The following PLD5 variants were observed in gnomAD, a reference collection of about 807,000 sequenced individuals.
The protein encoded by PLD5 is phospholipase D family member 5.
A neutral mutation model predicts 61.1 loss-of-function variants in PLD5; 36 were observed. The ratio of observed to expected loss-of-function variants is 0.59; its 90% CI spans 0.45 to 0.78. The LOEUF (loss-of-function observed/expected upper bound fraction) is 0.78. PLD5 is among the 30% of genes least tolerant of loss of function. The pLI, the probability that PLD5 is intolerant of heterozygous loss-of-function variation, is 0.00. For missense variants in PLD5, 515 were observed against 644.4 expected, an observed-to-expected ratio of 0.80 and a Z score of 2.17; for synonymous variants, 243 against 242.8, an observed-to-expected ratio of 1.00 and a Z score of -0.01.
intron 1 of PLD5, among the ~76,000 whole-genome samples, chr1:242,520,020 T>A (rs1420516520): frequency 6.6e-6 from 1 of 152,198 alleles, no homozygotes; most frequent in African/African-American, 2.4e-5. Context: ...GCTGCAGCAG[T>A]CTTGTGAGAG....
At chr1:242,221,510 A>T (rs1378801271) in intron 4 of PLD5, among the ~76,000 whole-genome samples, 1 of 152,226 alleles carries the variant, frequency 6.6e-6, no homozygotes, top group African/African-American at 2.4e-5. Context: ...CTCTTAGGAA[A>T]ATGTAAACAA....
chr1:242,437,402 A>C (rs956142738), intron 1 of PLD5, among the ~76,000 whole-genome samples: 2 of 152,104 alleles, frequency 1.3e-5, no homozygotes, highest in African/African-American at 4.8e-5. Context: ...GGTCTGTAAG[A>C]ATTTAGTTTA....
intron 2 of PLD5, among the ~76,000 whole-genome samples, chr1:242,289,525 G>C (rs1191476095): frequency 6.6e-6 from 1 of 151,778 alleles, no homozygotes; most frequent in Non-Finnish European, 1.5e-5. Flanking sequence ...ACTTTTTTTT[G>C]TGTTTTTCAT....
intron 1 of PLD5, among the ~76,000 whole-genome samples, chr1:242,367,667 T>C (rs1187965634): frequency 6.6e-6 from 1 of 151,892 alleles, no homozygotes; most frequent in Non-Finnish European, 1.5e-5. Context: ...AACATAGAGG[T>C]GGGCAGGTAA....
At chr1:242,439,083 C>A (rs1191048775) in intron 1 of PLD5, among the ~76,000 whole-genome samples, 1 of 149,966 alleles carries the variant, frequency 6.7e-6, no homozygotes, top group Non-Finnish European at 1.5e-5. Flanking sequence ...GCCACTGTAT[C>A]CCCACCACCT....
chr1:242,265,547 A>T lies in PLD5; in HGVS notation c.496-99T>A, dbSNP rs970083558. 1.2e-5 allele frequency: 13 copies of T among 1,058,920 alleles called. No homozygotes were observed. In the African/African-American group the frequency reaches 1.8e-4, roughly 15 times the overall value. 65.6% of individuals were successfully genotyped at this position (1,058,920 alleles called of 1,614,324 possible). A position where few individuals can be genotyped will look rare whatever the true frequency, so the allele number is the denominator to read the frequency against. ...CTCATTAAAATTAATCTATTCGTTC[A>T]AATGTTAAAAAGTCAAGCATTTCAA... On this transcript the variant is annotated intron_variant, in intron 3 of 9. Coordinates refer to ENST00000536534, the MANE Select transcript of PLD5 (RefSeq NM_001372062.1).
At chr1:242,359,743 T>C (rs1174728637) in intron 1 of PLD5, among the ~76,000 whole-genome samples, 2 of 152,066 alleles carry the variant, frequency 1.3e-5, no homozygotes, top group Admixed American at 6.6e-5. Flanking sequence ...AACTCTTTCA[T>C]AGGGTTATTA....
intron 5 of PLD5, among the ~76,000 whole-genome samples, chr1:242,163,263 C>T (rs1574426445): frequency 6.6e-6 from 1 of 151,862 alleles, no homozygotes; most frequent in African/African-American, 2.4e-5. Flanking sequence ...CCTGCCTCAG[C>T]CTCCCGAGTA....
In PLD5 at chr1:242,480,692, G is replaced by C. The variant is rs373961990; in HGVS notation, c.189+43396C>G. Among the ~76,000 whole-genome samples, 7 of 152,088 alleles carry C rather than the reference G, an allele frequency of 4.6e-5. 1 individual carries two copies. The highest frequency in any genetic ancestry group is 1.7e-4 in the African/African-American group (7 of 41,426). ...CCATTAAAATTCATGCAAAAGATCT[G>C]AACAGGCACTTCACAAAAGTAGATA... On this transcript the variant is annotated intron_variant, in intron 1 of 9. Coordinates refer to ENST00000536534, the MANE Select transcript of PLD5 (RefSeq NM_001372062.1).
intron 2 of PLD5, among the ~76,000 whole-genome samples, chr1:242,335,720 T>C (rs1420581118): frequency 6.6e-6 from 1 of 152,186 alleles, no homozygotes; most frequent in Non-Finnish European, 1.5e-5. Context: ...GTTACAATTA[T>C]TGAAGCAAAG....
At chr1:242,519,712 C>T (rs183676400) in intron 1 of PLD5, among the ~76,000 whole-genome samples, 1 of 152,288 alleles carries the variant, frequency 6.6e-6, no homozygotes, top group East Asian at 1.9e-4. Flanking sequence ...AGCCACAGAG[C>T]AAGCAAGGGC....
intron 1 of PLD5, among the ~76,000 whole-genome samples, chr1:242,426,231 G>A (rs904934552): frequency 3.4e-5 from 5 of 147,746 alleles, no homozygotes; most frequent in South Asian, 2.1e-4. Flanking sequence ...GCAATAACAC[G>A]CACAGAGCTG....
At chr1:242,506,441 T>C (rs1008756927) in intron 1 of PLD5, among the ~76,000 whole-genome samples, 9 of 152,118 alleles carry the variant, frequency 5.9e-5, no homozygotes, top group African/African-American at 2.2e-4. Flanking sequence ...AGGCCGACTC[T>C]GTTGAAACTA....
At chr1:242,174,279 C>T (rs148950729) in intron 5 of PLD5, among the ~76,000 whole-genome samples, 13,328 of 152,148 alleles carry the variant, frequency 0.088, 700 homozygotes, top group African/African-American at 0.16. Context: ...ATTTATGCAG[C>T]CAACAGACAC....
intron 1 of PLD5, among the ~76,000 whole-genome samples, chr1:242,458,809 C>A (rs7542412): frequency 0.18 from 27,509 of 152,122 alleles, 2,729 homozygotes; most frequent in African/African-American, 0.26. Flanking sequence ...GAGCCAGAGA[C>A]GGTATTTGGC....
chr1:242,518,870 G>A (rs1669188490), intron 1 of PLD5, among the ~76,000 whole-genome samples: 1 of 152,172 alleles, frequency 6.6e-6, no homozygotes, highest in Admixed American at 6.5e-5. Context: ...AAGTCCGTTA[G>A]TGGGTAGATA....
intron 2 of PLD5, among the ~76,000 whole-genome samples, chr1:242,347,827 C>T (rs1660226061): frequency 6.6e-6 from 1 of 152,150 alleles, no homozygotes; most frequent in African/African-American, 2.4e-5. Flanking sequence ...CCAAAACAAA[C>T]CTCATATACA....
intron 3 of PLD5, among the ~76,000 whole-genome samples, chr1:242,269,769 T>A (rs1673943907): frequency 1.3e-5 from 2 of 152,246 alleles, no homozygotes; most frequent in East Asian, 3.9e-4. Flanking sequence ...TAAGAGCCTT[T>A]CAGGTGATGA....
intron 4 of PLD5, among the ~76,000 whole-genome samples, chr1:242,260,743 G>T (rs111553476): frequency 0.04 from 6,112 of 152,086 alleles, 178 homozygotes; most frequent in Non-Finnish European, 0.063. Flanking sequence ...AATAACAAAG[G>T]ATAAATAGAA....
Sources: gnomAD v4.1 joint callset for allele counts (sites outside exome capture counted in the v4.1 genomes callset) on GRCh38, gnomAD v4.1.1 for gene constraint, MANE v1.5 for transcripts, NCBI Gene and HGNC (gene_info 2026-07-23, HGNC 2026-07-21) for gene names.